Variants in PDE2A observed in about 807,000 individuals in gnomAD.
PDE2A encodes the protein phosphodiesterase 2A, also known as cGMP-dependent 3',5'-cyclic phosphodiesterase.
Under a neutral mutation model 133.6 loss-of-function variants are expected in PDE2A, and 53 were observed. The observed-to-expected ratio is 0.40, with a 90% CI of 0.32 to 0.50. PDE2A has a LOEUF of 0.50. Among genes scored for constraint, PDE2A ranks in the 20% least tolerant of loss-of-function variants. PDE2A has a pLI of 0.73. For missense variants in PDE2A, 796 were observed against 1,232.4 expected (o/e 0.65, Z 5.30); for synonymous variants, 491 against 490.2 (o/e 1.00, Z -0.02).
intron 21 of PDE2A, chr11:72,582,223 G>A: frequency 3.3e-6 from 2 of 611,930 alleles, no homozygotes; most frequent in South Asian, 4.1e-5. Flanking sequence ...GGGCATGGTT[G>A]GTCCAAGAGC....
rs1462151452 is a variant in PDE2A at position 72,590,503 on chromosome 11, G to T, written c.627C>A (p.Pro209=). The T allele has an allele frequency of 3.3e-6, 5 of 1,510,888 alleles. No homozygotes were observed. The highest frequency in any genetic ancestry group is 1.4e-5 in the African/African-American group (1 of 71,330). 93.6% of individuals were successfully genotyped at this position (1,510,888 alleles called of 1,614,324 possible). ...PREAPRAVQN[P]PEGTAEDQKG... is the part of the protein sequence containing the mutation. ...TCTGGTCTTCCGCCGTCCCCTCCGG[G>T]GGGTTCTGGACGGCTCGGGGAGCCT... is the stretch of plus-strand genomic sequence containing the variant. Residue 209 remains proline (P), a synonymous_variant, in exon 8 of 31, where the codon CCC becomes CCA. Coordinates refer to ENST00000334456, the MANE Select transcript of PDE2A (RefSeq NM_002599.5). This position sits in a 1 kb window ranked among gnomAD's most constrained non-coding sequence, Gnocchi z 4.8.
At chr11:72,615,063 G>C in intron 2 of PDE2A, 1 of 499,340 alleles carries the variant, frequency 2.0e-6, no homozygotes, top group Non-Finnish European at 4.2e-6. Context: ...GGCTTCAGTT[G>C]TTACTCCAAC....
chr11:72,656,091 G>A (rs976036976), intron 1 of PDE2A, among the ~76,000 whole-genome samples: 4 of 152,212 alleles, frequency 2.6e-5, no homozygotes, highest in African/African-American at 9.6e-5. Flanking sequence ...GAGCTGCAGA[G>A]CCATCCATCA....
At position 72,581,445 on chromosome 11, in the gene PDE2A, G is replaced by T. The variant is rs1489634006; in HGVS notation, c.1957C>A (p.Pro653Thr). The T allele has an allele frequency of 1.2e-6, 2 of 1,605,782 alleles. No homozygotes were observed. Among genetic ancestry groups the T allele is most frequent in the Non-Finnish European group, 1.7e-6 (2 of 1,176,776 alleles). ...GCGTGCATCCAGTTGTGGTAGGGGG[G>T]ATCCCGGTAGCCCTTCTTCACCATC... ...CLMVKKGYRD[P>T]PYHNWMHAFS... Residue 653 changes from proline to threonine, a missense_variant, in exon 23 of 31, where the codon CCC (proline) becomes ACC (threonine). Transcript: ENST00000334456.
intron 11 of PDE2A, among the ~76,000 whole-genome samples, 154 bp downstream of exon 11, chr11:72,589,597 C>A (rs1033872962): frequency 6.6e-6 from 1 of 152,202 alleles, no homozygotes; most frequent in African/African-American, 2.4e-5. Flanking sequence ...AGGTTGTGAT[C>A]CCTGCAGCAT....
At chr11:72,671,137 T>C (rs191950489) in intron 1 of PDE2A, among the ~76,000 whole-genome samples, 33 of 152,270 alleles carry the variant, frequency 2.2e-4, no homozygotes, top group African/African-American at 7.9e-4. Flanking sequence ...AGCCCAGGCT[T>C]GCTGTGGGCC....
rs1005364702 is a variant in PDE2A at position 72,577,508 on chromosome 11, T to C, written c.2702A>G (p.Lys901Arg). 2 of 1,613,398 alleles carry C rather than the reference T, an allele frequency of 1.2e-6. No individual in the cohort carries two copies. Among genetic ancestry groups the C allele is most frequent in the Non-Finnish European group, 8.5e-7 (1 of 1,179,982 alleles). ...NREHWTKVSH[K>R]FTIRGLPSNN... The stretch of plus-strand genomic sequence containing the variant: ...ACTTGGGAGGCCGCGGATGGTGAAC[T>C]TGTGGGACACCTTGGTCCAGTGCTC... Residue 901 changes from lysine (K) to arginine (R), a missense_variant, in exon 31 of 31, where the codon AAG (lysine) becomes AGG (arginine). This residue lies in a region of PDE2A where 83 missense variants were observed against 99.0 expected (regional missense o/e 0.84). Transcript: ENST00000334456.
intron 4 of PDE2A, among the ~76,000 whole-genome samples, chr11:72,603,451 G>T (rs1175597229): frequency 6.6e-6 from 1 of 152,202 alleles, no homozygotes; most frequent in South Asian, 2.1e-4. Context: ...GGGAGCATGT[G>T]TGGGTCCTAG....
intron 2 of PDE2A, among the ~76,000 whole-genome samples, chr11:72,629,682 C>A (rs933212975): frequency 1.3e-5 from 2 of 152,220 alleles, no homozygotes; most frequent in African/African-American, 4.8e-5. Context: ...GTGCACCAGG[C>A]CCTGTGTGGG....
At chr11:72,622,581 T>C (rs1158853347) in intron 2 of PDE2A, among the ~76,000 whole-genome samples, 3 of 152,192 alleles carry the variant, frequency 2.0e-5, no homozygotes, top group Non-Finnish European at 2.9e-5. Context: ...TAAGTAAACT[T>C]AAAAACCAGT....
intron 2 of PDE2A, among the ~76,000 whole-genome samples, chr11:72,633,394 G>C (rs542597166): frequency 2.0e-5 from 3 of 152,190 alleles, no homozygotes; most frequent in African/African-American, 7.2e-5. Flanking sequence ...CTGAAGGGGG[G>C]ACTCAGCCTT....
chr11:72,605,704 G>T (rs894757740), intron 3 of PDE2A, among the ~76,000 whole-genome samples: 2 of 152,242 alleles, frequency 1.3e-5, no homozygotes, highest in African/African-American at 4.8e-5. Context: ...CATAACCCCA[G>T]CCAGGGGAGG....
At chr11:72,623,503 A>AC (rs371860045) in intron 2 of PDE2A, among the ~76,000 whole-genome samples, 13 of 148,504 alleles carry the variant, frequency 8.8e-5, no homozygotes, top group African/African-American at 3.2e-4. Flanking sequence ...ACCTTAACAA[A>AC]CCCCCCATGC....
Position 72,590,501 on chromosome 11 carries a change from G to A in PDE2A, c.629C>T (p.Pro210Leu), listed in dbSNP as rs1400091141. The A allele has an allele frequency of 5.3e-6, 8 of 1,509,480 alleles. No homozygotes were observed. The East Asian group carries it at 1.2e-4, about 22-fold the overall frequency. The allele number at this position is 1,509,480 out of a possible 1,614,324, so 93.5% of individuals were successfully genotyped here. A position where few individuals can be genotyped will look rare whatever the true frequency, so the allele number is the denominator to read the frequency against. ...REAPRAVQNP[P>L]EGTAEDQKGG... ...CTTCTGGTCTTCCGCCGTCCCCTCC[G>A]GGGGGTTCTGGACGGCTCGGGGAGC... The change falls in exon 8 of 31, where the codon CCG (proline) becomes CTG (leucine). Residue 210 changes from proline to leucine, a missense_variant. By Grantham distance (98) the Pro-to-Leu change is moderately conservative. Transcript: ENST00000334456. This position sits in a 1 kb window ranked among gnomAD's most constrained non-coding sequence, Gnocchi z 4.8.
intron 2 of PDE2A, among the ~76,000 whole-genome samples, chr11:72,617,800 G>A (rs867781744): frequency 3.9e-5 from 6 of 152,274 alleles, no homozygotes; most frequent in East Asian, 1.9e-4. Context: ...GGAGAAGAGC[G>A]GGGTCCACCC....
chr11:72,582,754 G>A (rs998876518), intron 20 of PDE2A, among the ~76,000 whole-genome samples, 188 bp from the exon 21 acceptor site: 4 of 152,052 alleles, frequency 2.6e-5, no homozygotes, highest in Non-Finnish European at 4.4e-5. Flanking sequence ...CACCCCGCGC[G>A]CCTCCCTGCA....
intron 23 of PDE2A, among the ~76,000 whole-genome samples, 170 bp from the exon 24 acceptor site, chr11:72,581,143 C>T (rs1855707227): frequency 6.6e-6 from 1 of 152,176 alleles, no homozygotes; most frequent in Non-Finnish European, 1.5e-5. Flanking sequence ...CCAGCAGACC[C>T]GGGTTTAAAT....
At chr11:72,618,811 AGG>A (rs36025018) in intron 2 of PDE2A, among the ~76,000 whole-genome samples, 20,447 of 152,144 alleles carry the variant, frequency 0.13, 1,538 homozygotes, top group South Asian at 0.2. Flanking sequence ...CTCATTACAC[AGG>A]GTCCCGGTCA....
chr11:72,602,085 C>T (rs1407935249), intron 4 of PDE2A, among the ~76,000 whole-genome samples: 1 of 152,168 alleles, frequency 6.6e-6, no homozygotes, highest in Non-Finnish European at 1.5e-5. Flanking sequence ...TTCCCCAAGA[C>T]AGCTTCTGGT....
Sources: allele counts gnomAD v4.1 joint callset (sites outside exome capture counted in the v4.1 genomes callset), GRCh38; gene constraint gnomAD v4.1.1; regional missense constraint gnomAD v4.1.1; non-coding constraint Gnocchi (gnomAD v3.1); transcripts MANE v1.5; gene names NCBI Gene and HGNC (gene_info 2026-07-23, HGNC 2026-07-21).